SUGCT: variants seen among roughly 807,000 people sequenced by gnomAD.
SUGCT encodes succinyl-CoA:glutarate-CoA transferase.
In SUGCT, 41 loss-of-function variants were observed where a neutral mutation model predicts 55.0. That is an observed-to-expected ratio of 0.74 (90% confidence interval 0.58 to 0.97). The LOEUF is 0.97. Ranked by LOEUF, SUGCT falls within the 50% of genes least tolerant of loss-of-function variation. The pLI is 0.00. For synonymous variants in SUGCT, 187 were observed against 200.4 expected, an observed-to-expected ratio of 0.93 and a Z score of 0.56; for missense variants, 568 against 547.8, an observed-to-expected ratio of 1.04 and a Z score of -0.37.
At chr7:40,305,055 G>A (rs555438538) in intron 8 of SUGCT, among the ~76,000 whole-genome samples, 8 of 152,142 alleles carry the variant, frequency 5.3e-5, no homozygotes, top group African/African-American at 1.9e-4. Flanking sequence ...TGTTCCTTAA[G>A]CCACCTTTCC....
chr7:41,001,537 A>G, the SUGCT span, among the ~76,000 whole-genome samples: 1 of 152,176 alleles, frequency 6.6e-6, no homozygotes, highest in African/African-American at 2.4e-5. Context: ...GGTGGCTTAT[A>G]AACAGTAGAA....
At chr7:40,569,014 A>G (rs1244271358) in intron 12 of SUGCT, among the ~76,000 whole-genome samples, 4 of 152,176 alleles carry the variant, frequency 2.6e-5, no homozygotes, top group Non-Finnish European at 5.9e-5. Flanking sequence ...GGATTGTTTC[A>G]AAGGTTGTAG....
intron 9 of SUGCT, among the ~76,000 whole-genome samples, chr7:40,405,467 T>C (rs967005119): frequency 6.6e-6 from 1 of 152,216 alleles, no homozygotes; most frequent in Non-Finnish European, 1.5e-5. Context: ...ACTTTGCTTC[T>C]TATAATATCA....
In SUGCT at chr7:40,428,782, G is replaced by A. The variant is rs758634769; in HGVS notation, c.817-20505G>A. On this transcript the variant is annotated intron_variant, in intron 9 of 13. Transcript: ENST00000335693. ...AAAAGGTTTACATACCAATGTTACA[G>A]TATTACAGTATTCTTTGTTTGTCTA... Among the ~76,000 whole-genome samples the A allele has an allele frequency of 4.6e-5, 7 of 152,104 alleles. 1 individual carries two copies. The highest frequency in any genetic ancestry group is 8.8e-5 in the Non-Finnish European group (6 of 68,008).
chr7:40,552,348 C>T (rs903012043), intron 12 of SUGCT, among the ~76,000 whole-genome samples: 2 of 152,108 alleles, frequency 1.3e-5, no homozygotes, highest in African/African-American at 4.8e-5. Flanking sequence ...GACTGCTGTT[C>T]CTGTTGCATG....
At chr7:40,839,371 T>C (rs911768089) in intron 13 of SUGCT, among the ~76,000 whole-genome samples, 1 of 152,128 alleles carries the variant, frequency 6.6e-6, no homozygotes, top group African/African-American at 2.4e-5. Flanking sequence ...GCCTCCCAAG[T>C]AGCTGACACT....
At chr7:40,982,551 G>C in the SUGCT span, among the ~76,000 whole-genome samples, 18 of 152,158 alleles carry the variant, frequency 1.2e-4, no homozygotes, top group African/African-American at 4.3e-4. Context: ...TCCAAGAAGT[G>C]AGTAATACTA....
At chr7:40,612,670 A>C (rs1475294973) in intron 12 of SUGCT, among the ~76,000 whole-genome samples, 1 of 152,214 alleles carries the variant, frequency 6.6e-6, no homozygotes, top group Non-Finnish European at 1.5e-5. Context: ...AGTGGGAATA[A>C]TTACAGCTTG....
intron 12 of SUGCT, among the ~76,000 whole-genome samples, chr7:40,600,835 CTAGT>C (rs1301698970): frequency 6.6e-6 from 1 of 150,896 alleles, no homozygotes; most frequent in Non-Finnish European, 1.5e-5. Context: ...TCAGAATTGT[CTAGT>C]TAGAGACAAT....
At chr7:40,383,895 G>T (rs1784989852) in intron 9 of SUGCT, among the ~76,000 whole-genome samples, 1 of 152,116 alleles carries the variant, frequency 6.6e-6, no homozygotes, top group South Asian at 2.1e-4. Flanking sequence ...TCTCCCTTCT[G>T]TAATATGCTT....
At chr7:40,191,309 G>T (rs752236119) in intron 5 of SUGCT, among the ~76,000 whole-genome samples, 4 of 152,116 alleles carry the variant, frequency 2.6e-5, no homozygotes, top group Non-Finnish European at 5.9e-5. Context: ...GAGCTACCGC[G>T]CCTGGCCTCA....
chr7:40,806,696 TTAAC>T (rs1791112085), intron 13 of SUGCT, among the ~76,000 whole-genome samples: 1 of 152,170 alleles, frequency 6.6e-6, no homozygotes. Context: ...CCAAATTTCT[TTAAC>T]TGGTCCTTCA....
At chr7:40,898,731 C>G in the SUGCT span, among the ~76,000 whole-genome samples, 4 of 151,822 alleles carry the variant, frequency 2.6e-5, no homozygotes, top group Admixed American at 6.6e-5. Flanking sequence ...CACGAGGGTA[C>G]GCGGCTTCAT....
the SUGCT span, among the ~76,000 whole-genome samples, chr7:40,917,812 T>C: frequency 2.0e-5 from 3 of 152,106 alleles, no homozygotes; most frequent in African/African-American, 7.2e-5. Context: ...CTGGCATCCC[T>C]TTCTCCTCTC....
At chr7:41,034,259 G>C in the SUGCT span, among the ~76,000 whole-genome samples, 4 of 152,188 alleles carry the variant, frequency 2.6e-5, no homozygotes, top group Non-Finnish European at 4.4e-5. Context: ...GCTCATGAGT[G>C]TGTGCAAGGG....
intron 13 of SUGCT, among the ~76,000 whole-genome samples, chr7:40,774,328 C>T (rs1249096563): frequency 1.3e-5 from 2 of 152,118 alleles, no homozygotes; most frequent in African/African-American, 4.8e-5. Flanking sequence ...AAAATGAAAA[C>T]TGAAATATTT....
chr7:40,193,182 G>A (rs1786023420), intron 5 of SUGCT, among the ~76,000 whole-genome samples: 2 of 151,012 alleles, frequency 1.3e-5, no homozygotes, highest in African/African-American at 2.4e-5. Flanking sequence ...GCCCAGGCAT[G>A]TCTTGAACTC....
the SUGCT span, among the ~76,000 whole-genome samples, chr7:40,908,055 T>G: frequency 6.6e-6 from 1 of 151,960 alleles, no homozygotes; most frequent in East Asian, 1.9e-4. Context: ...ACAGAAAAAT[T>G]GGAAAGGCAT....
At chr7:40,419,949 G>T (rs1736503198) in intron 9 of SUGCT, among the ~76,000 whole-genome samples, 1 of 152,158 alleles carries the variant, frequency 6.6e-6, no homozygotes, top group African/African-American at 2.4e-5. Flanking sequence ...TATGTAGCTG[G>T]CAAGTTACAG....
Sources: allele counts gnomAD v4.1 joint callset (sites outside exome capture counted in the v4.1 genomes callset), GRCh38; gene constraint gnomAD v4.1.1; transcripts MANE v1.5; gene names NCBI Gene and HGNC (gene_info 2026-07-23, HGNC 2026-07-21).